Variants in NCKAP5 observed in about 807,000 individuals in gnomAD.
NCKAP5 encodes the protein NCK associated protein 5.
Under a neutral mutation model 167.0 loss-of-function variants are expected in NCKAP5, and 92 were observed. That is an observed-to-expected ratio of 0.55 (90% CI 0.47 to 0.66). The LOEUF is 0.66. Among genes scored for constraint, NCKAP5 ranks in the 30% least tolerant of loss-of-function variants. NCKAP5 has a pLI of 0.00. For missense variants in NCKAP5, 2,378 were observed against 2,315.0 expected (o/e 1.03, Z -0.56); for synonymous variants, 891 against 877.4 (o/e 1.02, Z -0.27).
At chr2:133,349,428 C>T (rs1684199808) in intron 3 of NCKAP5, among the ~76,000 whole-genome samples, 1 of 152,202 alleles carries the variant, frequency 6.6e-6, no homozygotes, top group South Asian at 2.1e-4. Context: ...TGCCTGTGTT[C>T]CTGGATCAAG....
intron 11 of NCKAP5, among the ~76,000 whole-genome samples, chr2:132,816,159 A>G (rs888315744): frequency 5.3e-5 from 8 of 152,184 alleles, no homozygotes; most frequent in Admixed American, 4.6e-4. Context: ...TGGATTCGTA[A>G]GGTTGTGGTG....
upstream of NCKAP5, among the ~76,000 whole-genome samples, chr2:133,569,458 T>C (rs1014525695): frequency 7.2e-5 from 11 of 152,222 alleles, no homozygotes; most frequent in Non-Finnish European, 2.9e-5. Context: ...GTTTGTTTTT[T>C]AGCCATCTGT....
At chr2:133,129,092 CTT>C (rs58355335) in intron 6 of NCKAP5, among the ~76,000 whole-genome samples, 2 of 143,920 alleles carry the variant, frequency 1.4e-5, no homozygotes, top group African/African-American at 2.6e-5. Flanking sequence ...TTTGGCTGGC[CTT>C]TTTTTTTTTT....
chr2:133,388,808 G>A (rs546188129), intron 3 of NCKAP5, among the ~76,000 whole-genome samples: 173 of 152,320 alleles, frequency 1.1e-3, no homozygotes, highest in African/African-American at 4.0e-3. Context: ...AATGAGCAAG[G>A]CTGCGTGGGC....
chr2:133,048,104 G>A (rs1282879600), intron 6 of NCKAP5, among the ~76,000 whole-genome samples: 2 of 152,160 alleles, frequency 1.3e-5, no homozygotes, highest in Non-Finnish European at 2.9e-5. Context: ...TGTGGTGTGA[G>A]TTTCACAGTC....
intron 5 of NCKAP5, among the ~76,000 whole-genome samples, chr2:133,189,582 C>T (rs1257844853): frequency 1.3e-5 from 2 of 152,094 alleles, no homozygotes; most frequent in Admixed American, 6.6e-5. Context: ...AAAGCTTATC[C>T]ACCACGATCA....
chr2:132,997,804 G>GA (rs200708394), intron 6 of NCKAP5, among the ~76,000 whole-genome samples: 59,654 of 148,254 alleles, frequency 0.4, 12,085 homozygotes, highest in Middle Eastern at 0.51. Context: ...AAGCTTATGT[G>GA]AAAAAAAAAA....
chr2:132,759,499 C>A (rs967927046), intron 16 of NCKAP5, among the ~76,000 whole-genome samples: 61 of 152,064 alleles, frequency 4.0e-4, no homozygotes, highest in African/African-American at 1.4e-3. Flanking sequence ...GTATGACACT[C>A]CAATATTTTC....
intron 6 of NCKAP5, among the ~76,000 whole-genome samples, chr2:133,050,930 C>T (rs998422007): frequency 2.6e-5 from 4 of 152,218 alleles, no homozygotes; most frequent in Admixed American, 6.5e-5. Context: ...AGTATATGCG[C>T]GACTGAACGC....
intron 3 of NCKAP5, among the ~76,000 whole-genome samples, chr2:133,488,326 G>A (rs1372922179): frequency 6.6e-6 from 1 of 152,062 alleles, no homozygotes; most frequent in East Asian, 1.9e-4. Flanking sequence ...CTCTAGCAAG[G>A]GCTGGTCAAA....
chr2:133,163,719 G>A (rs2083891196), intron 5 of NCKAP5, among the ~76,000 whole-genome samples: 1 of 151,230 alleles, frequency 6.6e-6, no homozygotes, highest in Non-Finnish European at 1.5e-5. Flanking sequence ...CTTTTTCCAT[G>A]TTCCCGTTGA....
the NCKAP5 span, among the ~76,000 whole-genome samples, chr2:133,670,476 AC>A: frequency 0.019 from 2,855 of 152,348 alleles, 34 homozygotes; most frequent in South Asian, 0.038. Context: ...CCTTGTGTGT[AC>A]TACATGCTAC....
intron 5 of NCKAP5, among the ~76,000 whole-genome samples, chr2:133,197,693 G>A (rs61405219): frequency 0.043 from 6,526 of 152,242 alleles, 165 homozygotes; most frequent in Middle Eastern, 0.088. Context: ...GCTCATGCCT[G>A]TAATCCCAGC....
At chr2:133,437,534 C>T (rs549311819) in intron 3 of NCKAP5, among the ~76,000 whole-genome samples, 1 of 152,130 alleles carries the variant, frequency 6.6e-6, no homozygotes, top group African/African-American at 2.4e-5. Context: ...TCTTTCTCAG[C>T]TGAATATTAC....
intron 3 of NCKAP5, among the ~76,000 whole-genome samples, chr2:133,407,824 T>C (rs1219545529): frequency 1.3e-5 from 2 of 152,182 alleles, no homozygotes; most frequent in African/African-American, 4.8e-5. Context: ...CTTGTAAATA[T>C]TTACGAGTGG....
At chr2:133,084,849 A>G (rs1468357552) in intron 6 of NCKAP5, among the ~76,000 whole-genome samples, 5 of 152,176 alleles carry the variant, frequency 3.3e-5, no homozygotes, top group Non-Finnish European at 5.9e-5. Flanking sequence ...CGTTTTTCAT[A>G]TAGAGAGACT....
At chr2:132,898,715 T>C (rs1026067587) in intron 8 of NCKAP5, among the ~76,000 whole-genome samples, 2 of 152,192 alleles carry the variant, frequency 1.3e-5, no homozygotes, top group African/African-American at 4.8e-5. Flanking sequence ...AGGTACATAG[T>C]TTATGAGTAG....
chr2:133,306,324 G>GAGTAAACTGC (rs1559368962), intron 3 of NCKAP5, among the ~76,000 whole-genome samples: 1 of 152,228 alleles, frequency 6.6e-6, no homozygotes, highest in Non-Finnish European at 1.5e-5. Context: ...GATTTTTTCA[G>GAGTAAACTGC]AGTAAACTGA....
chr2:133,174,577 A>G (rs1321769814), intron 5 of NCKAP5, among the ~76,000 whole-genome samples: 3 of 152,174 alleles, frequency 2.0e-5, no homozygotes, highest in African/African-American at 7.2e-5. Context: ...TTCTTGCTCA[A>G]ATTGTACCAG....
Sources: gnomAD v4.1 joint callset for allele counts (sites outside exome capture counted in the v4.1 genomes callset) on GRCh38, gnomAD v4.1.1 for gene constraint, MANE v1.5 for transcripts, NCBI Gene and HGNC (gene_info 2026-07-23, HGNC 2026-07-21) for gene names.